Variants in AFF1 observed in about 807,000 individuals in gnomAD.
The protein encoded by AFF1 is AF4/FMR2 family member 1.
In AFF1, 48 loss-of-function variants were observed where a neutral mutation model predicts 121.7. That is an observed-to-expected ratio of 0.39 (90% confidence interval 0.31 to 0.50). The LOEUF is 0.50. Ranked by LOEUF, AFF1 falls within the 20% of genes least tolerant of loss-of-function variation. The pLI, the probability that AFF1 is intolerant of heterozygous loss-of-function variation, is 0.76. For missense variants in AFF1, 1,523 were observed against 1,511.7 expected (o/e 1.01, Z -0.12); for synonymous variants, 613 against 563.0 (o/e 1.09, Z -1.26).
At chr4:87,084,021 C>A in intron 4 of AFF1, 99 bp from the exon 5 acceptor site, 1 of 1,100,750 alleles carries the variant, frequency 9.1e-7, no homozygotes, top group Non-Finnish European at 1.4e-6. Flanking sequence ...AGAAGGTAAG[C>A]CTTGAGATGA....
intron 4 of AFF1, among the ~76,000 whole-genome samples, chr4:87,059,554 T>C (rs1357743247): frequency 6.6e-6 from 1 of 152,220 alleles, no homozygotes; most frequent in Non-Finnish European, 1.5e-5. Context: ...TGCCACATTA[T>C]TTCACATGAG....
At chr4:87,000,953 G>T (rs1414464416) in intron 2 of AFF1, among the ~76,000 whole-genome samples, 1 of 152,074 alleles carries the variant, frequency 6.6e-6, no homozygotes, top group East Asian at 1.9e-4. Context: ...ATTAGAGAAA[G>T]TCTAACTTCT....
intron 4 of AFF1, among the ~76,000 whole-genome samples, chr4:87,078,081 A>G (rs376792263): frequency 2.7e-4 from 41 of 152,324 alleles, no homozygotes; most frequent in African/African-American, 6.5e-4. Flanking sequence ...CCTCCTACCA[A>G]TCATGGGATT....
chr4:87,018,221 C>CT (rs1349908144), intron 2 of AFF1, among the ~76,000 whole-genome samples: 1 of 152,214 alleles, frequency 6.6e-6, no homozygotes, highest in East Asian at 1.9e-4. Context: ...GTGCAGGGCT[C>CT]TGAGTTGGTT....
chr4:87,049,582 T>G, intron 4 of AFF1: 2 of 432,160 alleles, frequency 4.6e-6, no homozygotes, highest in South Asian at 3.3e-5. Context: ...ATGGGGTTTT[T>G]TTTTTGGCAC....
At chr4:86,949,999 G>T in intron 2 of AFF1, 1 of 1,614,100 alleles carries the variant, frequency 6.2e-7, no homozygotes, top group Non-Finnish European at 8.5e-7. Context: ...CAAAGATGGC[G>T]AGCGCCAGTT....
chr4:86,991,376 C>T (rs558269799), intron 2 of AFF1, among the ~76,000 whole-genome samples: 10 of 151,378 alleles, frequency 6.6e-5, no homozygotes, highest in Admixed American at 2.0e-4. Flanking sequence ...ACCTGGGAGG[C>T]GGACCTTGCA....
At chr4:87,106,547 G>T (rs1349123511) in intron 10 of AFF1, among the ~76,000 whole-genome samples, 2 of 152,102 alleles carry the variant, frequency 1.3e-5, no homozygotes, top group Non-Finnish European at 2.9e-5. Context: ...CATTATGCCT[G>T]TTTTCTTAGT....
In AFF1 at chr4:87,091,775, T is replaced by C. The variant is rs377099727; in HGVS notation, c.1192-18T>C. 36 of 1,491,572 alleles carry C rather than the reference T, an allele frequency of 2.4e-5. No homozygotes were observed. The African/African-American group carries it at 4.9e-4, about 20-fold the overall frequency. The allele number at this position is 1,491,572 out of a possible 1,614,324, so 92.4% of individuals were successfully genotyped here. A position where few individuals can be genotyped will look rare whatever the true frequency, so the allele number is the denominator to read the frequency against. ...GCCTTAATCTTTTAATAATTAGATA[T>C]TTTTATTTTCTTTCTAGGACTCTCA... On this transcript the variant is annotated intron_variant, in intron 6 of 20. Coordinates refer to ENST00000395146, the MANE Select transcript of AFF1 (RefSeq NM_001166693.3).
chr4:86,949,886 A>T, intron 2 of AFF1: 2 of 1,614,024 alleles, frequency 1.2e-6, no homozygotes, highest in Non-Finnish European at 8.5e-7. Context: ...GAGCCACGTG[A>T]AGGGGTTCTT....
intron 4 of AFF1, 41 bp from the exon 5 acceptor site, chr4:87,084,077 ACT>A: frequency 6.3e-7 from 1 of 1,590,292 alleles, no homozygotes; most frequent in Non-Finnish European, 8.6e-7. Flanking sequence ...ATCACTCTTG[ACT>A]CTGGTTTGCT....
At chr4:86,944,098 T>A (rs2149444637) in intron 1 of AFF1, among the ~76,000 whole-genome samples, 1 of 146,664 alleles carries the variant, frequency 6.8e-6, no homozygotes, top group Non-Finnish European at 1.5e-5. Flanking sequence ...GAGCCATGAC[T>A]GTGCCACTGC....
At chr4:86,963,445 G>A (rs1206068582) in intron 2 of AFF1, among the ~76,000 whole-genome samples, 7 of 152,126 alleles carry the variant, frequency 4.6e-5, no homozygotes, top group Non-Finnish European at 1.0e-4. Context: ...AAGGAACTGG[G>A]ATGGAGGTAG....
At chr4:87,067,115 A>T (rs903150709) in intron 4 of AFF1, among the ~76,000 whole-genome samples, 9 of 152,214 alleles carry the variant, frequency 5.9e-5, no homozygotes, top group African/African-American at 2.2e-4. Flanking sequence ...ATGAAATAAA[A>T]GTTTGGTTAA....
intron 2 of AFF1, among the ~76,000 whole-genome samples, chr4:86,975,755 C>G (rs1723256667): frequency 6.6e-6 from 1 of 152,068 alleles, no homozygotes; most frequent in Non-Finnish European, 1.5e-5. Context: ...AAATAAAACA[C>G]AGTTATTCTT....
intron 2 of AFF1, among the ~76,000 whole-genome samples, chr4:86,962,321 T>C (rs1001445930): frequency 6.6e-6 from 1 of 152,028 alleles, no homozygotes; most frequent in African/African-American, 2.4e-5. Context: ...TTGAATTGTA[T>C]CCCCATGAGA....
chr4:87,019,939 T>A (rs1727731490), intron 2 of AFF1, among the ~76,000 whole-genome samples: 1 of 151,728 alleles, frequency 6.6e-6, no homozygotes, highest in Non-Finnish European at 1.5e-5. Context: ...TGACTCCATC[T>A]CCAGGTAGTT....
At chr4:87,049,706 C>T (rs1490354398) in intron 4 of AFF1, 1 of 456,228 alleles carries the variant, frequency 2.2e-6, no homozygotes, top group Non-Finnish European at 4.4e-6. Flanking sequence ...CCCGAGTTCT[C>T]ATGCCAGGCA....
At chr4:87,063,572 A>G (rs1326905563) in intron 4 of AFF1, among the ~76,000 whole-genome samples, 1 of 152,026 alleles carries the variant, frequency 6.6e-6, no homozygotes, top group Admixed American at 6.5e-5. Flanking sequence ...TAGAATCTGA[A>G]ATTGTGGAAG....
Sources: gnomAD v4.1 joint callset for allele counts (sites outside exome capture counted in the v4.1 genomes callset) on GRCh38, gnomAD v4.1.1 for gene constraint, MANE v1.5 for transcripts, NCBI Gene and HGNC (gene_info 2026-07-23, HGNC 2026-07-21) for gene names.